Variants in CPNE2 observed in about 807,000 individuals in gnomAD.
CPNE2 encodes the protein copine-2.
In CPNE2, 42 loss-of-function variants were observed where a neutral mutation model predicts 69.7. That is an observed-to-expected ratio of 0.60 (90% confidence interval 0.47 to 0.78). CPNE2 has a LOEUF of 0.78. Among genes scored for constraint, CPNE2 ranks in the 30% least tolerant of loss-of-function variants. The pLI is 0.00. For missense variants in CPNE2, 587 were observed against 732.0 expected (o/e 0.80, Z 2.29); for synonymous variants, 294 against 289.8 (o/e 1.01, Z -0.15).
chr16:57,119,397 C>T (rs1243554326), intron 6 of CPNE2, 119 bp downstream of exon 6: 1 of 1,162,022 alleles, frequency 8.6e-7, no homozygotes, highest in Admixed American at 1.8e-5. Context: ...CCCACAGTGG[C>T]ACCTGAGGGA....
chr16:57,101,427 CA>C (rs1251225350), intron 1 of CPNE2, among the ~76,000 whole-genome samples: 1 of 152,182 alleles, frequency 6.6e-6, no homozygotes, highest in Non-Finnish European at 1.5e-5. Flanking sequence ...TAGCAGCCAT[CA>C]GGGCCCGTAG....
intron 11 of CPNE2, among the ~76,000 whole-genome samples, chr16:57,126,689 A>G (rs919260207): frequency 5.3e-5 from 8 of 152,220 alleles, no homozygotes; most frequent in Admixed American, 5.2e-4. Context: ...GAGATTTGGC[A>G]GGAAAGACAG....
Position 57,130,248 on chromosome 16 carries a change from G to A in CPNE2, c.1116+2345G>A, listed in dbSNP as rs969893755. On this transcript the variant is annotated intron_variant, in intron 12 of 15. Transcript: ENST00000290776. The surrounding 1 kb of genome is among the most constrained non-coding windows in gnomAD (Gnocchi z 4.1). The stretch of plus-strand genomic sequence containing the variant: ...ACAAAAATTAGCTAGGTGTGGTGGC[G>A]GGAGTCTGTAATCCCAGCTACTCGG... Among the ~76,000 whole-genome samples the A allele has an allele frequency of 1.9e-4, 29 of 151,858 alleles. No individual in the cohort carries two copies. Among genetic ancestry groups the A allele is most frequent in the African/African-American group, 5.6e-4 (23 of 41,414 alleles).
chr16:57,139,535 T>C (rs1359004097), intron 14 of CPNE2, among the ~76,000 whole-genome samples: 1 of 152,214 alleles, frequency 6.6e-6, no homozygotes, highest in African/African-American at 2.4e-5. Flanking sequence ...AATGGGCTGT[T>C]ATCAGTTTGT....
intron 12 of CPNE2, among the ~76,000 whole-genome samples, chr16:57,132,439 C>T (rs1353880068): frequency 6.6e-6 from 1 of 152,180 alleles, no homozygotes; most frequent in African/African-American, 2.4e-5. Flanking sequence ...GACAGTCACT[C>T]TGAGATCCCT....
rs138451508 is a variant in CPNE2 at position 57,099,386 on chromosome 16, A to G, written c.-36+6596A>G. 5.9e-4 allele frequency among the ~76,000 whole-genome samples: 89 copies of G among 152,054 alleles called. 1 individual carries two copies. The highest frequency in any genetic ancestry group is 1.6e-3 in the African/African-American group (68 of 41,462). ...TGGGTGGGGAGTTCCAGTTGGGATT[A>G]TTTGGATTAGCACTGCCATGAACAT... On this transcript the variant is annotated intron_variant, in intron 1 of 15. Transcript: ENST00000290776.
chr16:57,123,809 CCTCCTTG>C, intron 10 of CPNE2: 1 of 390,726 alleles, frequency 2.6e-6, no homozygotes, highest in Non-Finnish European at 4.7e-6. Flanking sequence ...CAGCCTCCTT[CCTCCTTG>C]CTCACTGGGC....
At chr16:57,114,768 C>A (rs1403989189) in intron 3 of CPNE2, among the ~76,000 whole-genome samples, 2 of 150,804 alleles carry the variant, frequency 1.3e-5, no homozygotes, top group Non-Finnish European at 3.0e-5. Flanking sequence ...ATTATTGCAC[C>A]CTGTGTAAGT....
chr16:57,129,855 T>G (rs1334200581), intron 12 of CPNE2, among the ~76,000 whole-genome samples: 1 of 151,796 alleles, frequency 6.6e-6, no homozygotes. Context: ...TCAATGGGTT[T>G]GGGCTCTGGG....
intron 4 of CPNE2, among the ~76,000 whole-genome samples, chr16:57,116,924 G>A (rs1051493927): frequency 2.6e-5 from 4 of 152,174 alleles, no homozygotes; most frequent in African/African-American, 7.2e-5. Context: ...GCCTACAGGG[G>A]GCCTCAGCAG....
intron 2 of CPNE2, among the ~76,000 whole-genome samples, chr16:57,111,182 CT>C (rs5817089): frequency 0.53 from 72,499 of 137,884 alleles, 19,217 homozygotes; most frequent in African/African-American, 0.74. Context: ...TATTTGATAT[CT>C]TTTTTTTTTT....
intron 9 of CPNE2, among the ~76,000 whole-genome samples, chr16:57,122,102 C>T (rs1357631724): frequency 1.3e-5 from 2 of 152,224 alleles, no homozygotes; most frequent in Non-Finnish European, 2.9e-5. Context: ...GGGCAGAGGA[C>T]ATTGGGTGGG....
rs2069958121 is a variant in CPNE2 at position 57,146,338 on chromosome 16, G to A, written c.1539+17G>A. 6.5e-7 allele frequency: 1 copy of A among 1,534,110 alleles called. No homozygotes were observed. Among genetic ancestry groups the A allele is most frequent in the African/African-American group, 1.4e-5 (1 of 72,990 alleles). ...TTCCGCAACGTGAGTGTGGGCCTGGGCTGGGAGGGGGCGGTTACAGGATCC... is the reference window on the plus strand; with the variant it reads ...TTCCGCAACGTGAGTGTGGGCCTGGACTGGGAGGGGGCGGTTACAGGATCC... On this transcript the variant is annotated intron_variant, in intron 15 of 15. Transcript: ENST00000290776. The surrounding 1 kb of genome is among the most constrained non-coding windows in gnomAD (Gnocchi z 4.4).
At chr16:57,122,292 G>C (rs1267981858) in intron 9 of CPNE2, among the ~76,000 whole-genome samples, 6 of 152,230 alleles carry the variant, frequency 3.9e-5, no homozygotes, top group Non-Finnish European at 8.8e-5. Context: ...GGCAGCCTGG[G>C]GCAGGAGAGC....
intron 14 of CPNE2, chr16:57,142,147 C>G (rs1019537760): frequency 1.8e-4 from 27 of 152,356 alleles, no homozygotes; most frequent in African/African-American, 6.0e-4. Flanking sequence ...ATGAGTGACA[C>G]AGGGCCTCTG....
intron 14 of CPNE2, among the ~76,000 whole-genome samples, chr16:57,138,487 C>T (rs755297506): frequency 7.2e-5 from 11 of 152,250 alleles, no homozygotes; most frequent in Middle Eastern, 6.8e-3. Context: ...CCTTCCTTAC[C>T]GACCCGATCA....
At chr16:57,094,117 G>A (rs2069562856) in intron 1 of CPNE2, 1 of 456,318 alleles carries the variant, frequency 2.2e-6, no homozygotes, top group Non-Finnish European at 4.4e-6. Flanking sequence ...GCCCCAGCCA[G>A]CTGGATTGGA....
rs143439210 is a variant in CPNE2 at position 57,119,491 on chromosome 16, T to C, written c.592-70T>C. ...TCTGCATTTTGTCACCCTGTCCCCATTGGGCTGACCCAACCCCAGAGCACT... is the reference window on the plus strand; with the variant it reads ...TCTGCATTTTGTCACCCTGTCCCCACTGGGCTGACCCAACCCCAGAGCACT... On this transcript the variant is annotated intron_variant, in intron 6 of 15. Transcript: ENST00000290776. 8.7e-4 allele frequency: 1,194 copies of C among 1,372,604 alleles called. 14 individuals are homozygous for C. The African/African-American group carries it at 0.016, about 18-fold the overall frequency. The allele number at this position is 1,372,604 out of a possible 1,614,324, so 85.0% of individuals were successfully genotyped here.
At chr16:57,137,877 G>GT (rs758621779) in intron 14 of CPNE2, among the ~76,000 whole-genome samples, 1 of 152,232 alleles carries the variant, frequency 6.6e-6, no homozygotes, top group Non-Finnish European at 1.5e-5. Flanking sequence ...TCTGATGCCA[G>GT]TGGTGGGGTC....
Sources: gnomAD v4.1 joint callset for allele counts (sites outside exome capture counted in the v4.1 genomes callset) on GRCh38, gnomAD v4.1.1 for gene constraint, Gnocchi (gnomAD v3.1) non-coding constraint, MANE v1.5 for transcripts, NCBI Gene and HGNC (gene_info 2026-07-23, HGNC 2026-07-21) for gene names.